Variants in SVOPL observed in about 807,000 individuals in gnomAD.
SVOPL encodes putative transporter SVOPL.
A neutral mutation model predicts 61.0 loss-of-function variants in SVOPL; 60 were observed. That is an observed-to-expected ratio of 0.98 (90% CI 0.80 to 1.22). The LOEUF (loss-of-function observed/expected upper bound fraction) is 1.22, where lower values mean the gene tolerates loss of function less well. Among genes scored for constraint, SVOPL ranks in the 50% most tolerant of loss-of-function variants. The pLI, the probability that SVOPL is intolerant of heterozygous loss-of-function variation, is 0.00. For synonymous variants in SVOPL, 279 were observed against 250.0 expected (o/e 1.12, Z -1.09); for missense variants, 662 against 643.9 (o/e 1.03, Z -0.30).
intron 1 of SVOPL, among the ~76,000 whole-genome samples, chr7:138,696,175 G>A (rs1803060940): frequency 6.6e-6 from 1 of 152,096 alleles, no homozygotes; most frequent in African/African-American, 2.4e-5. Flanking sequence ...TTACTCACAT[G>A]TTGTTGACAT....
intron 1 of SVOPL, among the ~76,000 whole-genome samples, chr7:138,691,761 G>A (rs1047703541): frequency 1.1e-4 from 16 of 151,902 alleles, no homozygotes; most frequent in Non-Finnish European, 2.2e-4. Flanking sequence ...GGCTGATCTC[G>A]AACTCCTGAC....
intron 1 of SVOPL, chr7:138,689,543 A>T: frequency 1.8e-6 from 1 of 570,932 alleles, no homozygotes; most frequent in Non-Finnish European, 3.1e-6. Context: ...ATTAAAATAA[A>T]TGAAATTAAA....
At chr7:138,678,046 G>C (rs909085314) in intron 3 of SVOPL, among the ~76,000 whole-genome samples, 1 of 152,150 alleles carries the variant, frequency 6.6e-6, no homozygotes, top group African/African-American at 2.4e-5. Flanking sequence ...GATTGCAGGT[G>C]TCAGCCACCG....
intron 9 of SVOPL, 124 bp from the exon 10 acceptor site, chr7:138,630,246 C>G: frequency 2.7e-6 from 2 of 745,122 alleles, no homozygotes; most frequent in Non-Finnish European, 4.7e-6. Flanking sequence ...GATAACCACT[C>G]AGCTCCTATG....
chr7:138,682,187 A>T (rs1802713900), intron 1 of SVOPL, among the ~76,000 whole-genome samples: 1 of 152,172 alleles, frequency 6.6e-6, no homozygotes, highest in Non-Finnish European at 1.5e-5. Context: ...AAAATAATGG[A>T]TCCAGGCAAC....
intron 13 of SVOPL, among the ~76,000 whole-genome samples, chr7:138,622,234 G>GTAAC (rs1563096686): frequency 2.4e-4 from 9 of 37,390 alleles, no homozygotes; most frequent in African/African-American, 8.8e-4. Context: ...ATCTATCTAT[G>GTAAC]TATCTATCTA....
intron 7 of SVOPL, among the ~76,000 whole-genome samples, chr7:138,653,524 G>C (rs1441931338): frequency 1.3e-5 from 2 of 152,126 alleles, no homozygotes; most frequent in East Asian, 1.9e-4. Context: ...TCTTGGGGCC[G>C]TGCACAGTGC....
intron 14 of SVOPL, among the ~76,000 whole-genome samples, chr7:138,601,623 ATGTAG>A (rs1798529764): frequency 1.3e-5 from 2 of 152,204 alleles, no homozygotes; most frequent in South Asian, 4.1e-4. Flanking sequence ...AAATGGGAAG[ATGTAG>A]GGGAGAAAAA....
In SVOPL at chr7:138,596,493, A is replaced by T; in HGVS notation, c.1391T>A (p.Leu464His). 2.5e-6 allele frequency: 4 copies of T among 1,613,946 alleles called. No individual in the cohort carries two copies. Among genetic ancestry groups the T allele is most frequent in the Non-Finnish European group, 3.4e-6 (4 of 1,179,882 alleles). ...MSASILGALC[L>H]FSSVCVVCAI... ...GCATACAACACAGACAGATGAGAAG[A>T]GACACAGGGCCCCCAGTATTGATGC... Residue 464 changes from leucine to histidine, a missense_variant, in exon 15 of 16, where the codon CTC becomes CAC. Coordinates refer to ENST00000674285, the MANE Select transcript of SVOPL (RefSeq NM_001139456.2).
At chr7:138,604,289 A>G (rs1236877573) in intron 14 of SVOPL, among the ~76,000 whole-genome samples, 3 of 152,158 alleles carry the variant, frequency 2.0e-5, no homozygotes, top group South Asian at 2.1e-4. Flanking sequence ...GATGATATTC[A>G]GTTACATACT....
intron 1 of SVOPL, among the ~76,000 whole-genome samples, chr7:138,696,337 C>A (rs1451514352): frequency 1.3e-5 from 2 of 152,136 alleles, no homozygotes; most frequent in Non-Finnish European, 2.9e-5. Flanking sequence ...CTCAACTGAT[C>A]CTCTGGCTTC....
Position 138,615,412 on chromosome 7 carries a change from C to T in SVOPL, c.1353+5634G>A, listed in dbSNP as rs546490174. ...CTCTACTAAAAATACAAAAAATTAGCCGGGCGTGGTGGCGGGCGCCTGTAG... is the reference window on the plus strand; with the variant it reads ...CTCTACTAAAAATACAAAAAATTAGTCGGGCGTGGTGGCGGGCGCCTGTAG... On this transcript the variant is annotated intron_variant, in intron 14 of 15. Coordinates refer to ENST00000674285, the MANE Select transcript of SVOPL (RefSeq NM_001139456.2). Among the ~76,000 whole-genome samples the T allele has an allele frequency of 2.3e-3, 346 of 152,068 alleles. 2 individuals are homozygous for T. Among genetic ancestry groups the T allele is most frequent in the Middle Eastern group, 0.014 (4 of 294 alleles).
chr7:138,686,886 C>T lies in SVOPL; in HGVS notation c.-34-7807G>A, dbSNP rs116212300. ...GCCTAGTTTTTAATCTAGCTGGGGA[C>T]GCAAAAGATAAACATAACAAACAAT... is the stretch of plus-strand genomic sequence containing the variant. On this transcript the variant is annotated intron_variant, in intron 1 of 15. Coordinates refer to ENST00000674285, the MANE Select transcript of SVOPL (RefSeq NM_001139456.2). Among the ~76,000 whole-genome samples, 467 of 151,898 alleles carry T rather than the reference C, an allele frequency of 3.1e-3. 3 individuals are homozygous for T. Among genetic ancestry groups the T allele is most frequent in the African/African-American group, 0.01 (425 of 41,444 alleles).
At chr7:138,683,689 C>G (rs574652158) in intron 1 of SVOPL, among the ~76,000 whole-genome samples, 12 of 152,108 alleles carry the variant, frequency 7.9e-5, no homozygotes, top group South Asian at 2.1e-4. Context: ...GCTTATGTAA[C>G]TTTTCCAATG....
intron 8 of SVOPL, 82 bp downstream of exon 8, chr7:138,648,930 A>G (rs2117020709): frequency 6.3e-7 from 1 of 1,589,654 alleles, no homozygotes; most frequent in Non-Finnish European, 8.6e-7. Flanking sequence ...TCGAGGGGGA[A>G]AATAAAAGAT....
At position 138,596,425 on chromosome 7, in the gene SVOPL, C is replaced by A; in HGVS notation, c.1459G>T (p.Ala487Ser). 1 of 1,613,684 alleles carries A rather than the reference C, an allele frequency of 6.2e-7. No individual in the cohort carries two copies. The highest frequency in any genetic ancestry group is 1.1e-5 in the South Asian group (1 of 91,040). The change falls in exon 15 of 16, where the codon GCC becomes TCC. Residue 487 changes from alanine (A) to serine (S), a missense_variant. Transcript: ENST00000674285. ...TTCCCTGCATCACTCACCTGGAGGG[C>A]CCGTCCTTTGGTTTCGATGGGGAGA... ...FTLPIETKGR[A>S]LQQIK
At chr7:138,607,800 A>AT (rs1798821877) in intron 14 of SVOPL, among the ~76,000 whole-genome samples, 2 of 152,236 alleles carry the variant, frequency 1.3e-5, no homozygotes, top group African/African-American at 4.8e-5. Context: ...GCTGATTGGA[A>AT]GCATTCAGCA....
chr7:138,637,505 T>G (rs112642229), intron 9 of SVOPL, among the ~76,000 whole-genome samples: 19 of 62,360 alleles, frequency 3.0e-4, no homozygotes, highest in African/African-American at 1.1e-3. Context: ...TATATATATA[T>G]ATATAGATAG....
In SVOPL at chr7:138,658,433, CA is replaced by C. The variant is rs527715212; in HGVS notation, c.470+1430del. On this transcript the variant is annotated intron_variant, in intron 6 of 15. Coordinates refer to ENST00000674285, the MANE Select transcript of SVOPL (RefSeq NM_001139456.2). ...TAATAAATTATGTTTGGATTGACTTCAAAAATTTTTGTTTGTTTGTTTGTTT... is the reference window on the plus strand; with the variant it reads ...TAATAAATTATGTTTGGATTGACTTCAAAATTTTTGTTTGTTTGTTTGTTT... Among the ~76,000 whole-genome samples the C allele has an allele frequency of 1.5e-3, 234 of 151,618 alleles. 1 individual carries two copies. Among genetic ancestry groups the C allele is most frequent in the African/African-American group, 5.0e-3 (204 of 41,032 alleles).
Sources: allele counts gnomAD v4.1 joint callset (sites outside exome capture counted in the v4.1 genomes callset), GRCh38; gene constraint gnomAD v4.1.1; transcripts MANE v1.5; gene names NCBI Gene and HGNC (gene_info 2026-07-23, HGNC 2026-07-21).